Variants in DPP10 observed in about 807,000 individuals in gnomAD.
The protein encoded by DPP10 is dipeptidyl peptidase like 10.
Under a neutral mutation model 120.9 loss-of-function variants are expected in DPP10, and 33 were observed. The ratio of observed to expected loss-of-function variants is 0.27; its 90% CI spans 0.21 to 0.37. DPP10 has a LOEUF of 0.37. DPP10 is among the 10% of genes least tolerant of loss of function. The pLI, the probability that DPP10 is intolerant of heterozygous loss-of-function variation, is 1.00. For synonymous variants in DPP10, 337 were observed against 326.1 expected, an observed-to-expected ratio of 1.03 and a Z score of -0.36; for missense variants, 816 against 942.8, an observed-to-expected ratio of 0.87 and a Z score of 1.76.
chr2:115,039,213 T>C (rs1704454266), intron 1 of DPP10, among the ~76,000 whole-genome samples: 1 of 152,142 alleles, frequency 6.6e-6, no homozygotes, highest in Non-Finnish European at 1.5e-5. Flanking sequence ...AAATTGGAAA[T>C]GATGGACAGA....
chr2:114,829,553 T>C (rs1429815640), intron 1 of DPP10, among the ~76,000 whole-genome samples: 1 of 149,114 alleles, frequency 6.7e-6, no homozygotes, highest in Non-Finnish European at 1.5e-5. Context: ...TTTTTTGTAT[T>C]TTTGGTAGAG....
At chr2:115,746,396 T>C (rs190661526) in intron 10 of DPP10, among the ~76,000 whole-genome samples, 2 of 152,278 alleles carry the variant, frequency 1.3e-5, no homozygotes, top group Non-Finnish European at 2.9e-5. Context: ...CACCATACAA[T>C]GACTGAAGAG....
At chr2:115,138,983 G>A (rs2050784484) in intron 1 of DPP10, among the ~76,000 whole-genome samples, 1 of 152,102 alleles carries the variant, frequency 6.6e-6, no homozygotes, top group South Asian at 2.1e-4. Context: ...ATTGCATGTT[G>A]ATGGTAAAAG....
chr2:114,832,147 CTTT>C (rs1477525297), intron 1 of DPP10, among the ~76,000 whole-genome samples: 1 of 152,076 alleles, frequency 6.6e-6, no homozygotes, highest in African/African-American at 2.4e-5. Context: ...CTTGAAATAA[CTTT>C]TTATTTCAAA....
At chr2:115,123,568 C>G (rs545523551) in intron 1 of DPP10, among the ~76,000 whole-genome samples, 6 of 152,138 alleles carry the variant, frequency 3.9e-5, no homozygotes, top group Admixed American at 2.6e-4. Context: ...TATTTGAGCC[C>G]GGTCATCCAA....
At chr2:115,635,304 T>G (rs1210997567) in intron 5 of DPP10, among the ~76,000 whole-genome samples, 3 of 152,154 alleles carry the variant, frequency 2.0e-5, no homozygotes, top group African/African-American at 4.8e-5. Context: ...AACTCTGCGG[T>G]TCAGACCCAA....
At chr2:115,495,877 T>A (rs1310173352) in intron 3 of DPP10, among the ~76,000 whole-genome samples, 1 of 152,146 alleles carries the variant, frequency 6.6e-6, no homozygotes, top group African/African-American at 2.4e-5. Flanking sequence ...GATTATTTAA[T>A]CAAAGTACCT....
intron 5 of DPP10, among the ~76,000 whole-genome samples, chr2:115,648,252 G>C (rs1435281856): frequency 6.6e-6 from 1 of 152,030 alleles, no homozygotes; most frequent in Non-Finnish European, 1.5e-5. Context: ...GTAGTTACCA[G>C]GGTCTGTTTA....
At chr2:114,572,220 C>T (rs565643544) in intron 1 of DPP10, among the ~76,000 whole-genome samples, 1 of 151,962 alleles carries the variant, frequency 6.6e-6, no homozygotes, top group East Asian at 1.9e-4. Flanking sequence ...AAAGATAATA[C>T]AGTTGGAAGT....
intron 1 of DPP10, among the ~76,000 whole-genome samples, chr2:115,139,880 A>G (rs1196365829): frequency 6.6e-6 from 1 of 152,164 alleles, no homozygotes; most frequent in African/African-American, 2.4e-5. Context: ...TCTTTGCCCC[A>G]AACAGTCATA....
intron 7 of DPP10, among the ~76,000 whole-genome samples, 168 bp from the exon 8 acceptor site, chr2:115,727,645 GAAA>G (rs1017593333): frequency 6.6e-6 from 1 of 151,986 alleles, no homozygotes; most frequent in African/African-American, 2.4e-5. Flanking sequence ...CAATAAAACA[GAAA>G]AAGCCATTAA....
At chr2:114,923,440 C>G (rs1018382404) in intron 1 of DPP10, among the ~76,000 whole-genome samples, 6 of 145,868 alleles carry the variant, frequency 4.1e-5, no homozygotes, top group African/African-American at 1.5e-4. Context: ...GCTGGGATTA[C>G]AGGCGTGAGC....
chr2:115,314,643 C>T (rs1401276471), intron 2 of DPP10, among the ~76,000 whole-genome samples: 1 of 152,112 alleles, frequency 6.6e-6, no homozygotes, highest in Non-Finnish European at 1.5e-5. Flanking sequence ...CTAGAAGTGT[C>T]TCTAAGATTA....
At chr2:114,707,484 A>G (rs567923872) in intron 1 of DPP10, among the ~76,000 whole-genome samples, 79 of 152,352 alleles carry the variant, frequency 5.2e-4, no homozygotes, top group African/African-American at 1.8e-3. Flanking sequence ...TTAAAAGTAC[A>G]TATTTGGGGA....
chr2:115,619,529 G>A (rs2084790438), intron 5 of DPP10, among the ~76,000 whole-genome samples: 1 of 152,050 alleles, frequency 6.6e-6, no homozygotes, highest in Non-Finnish European at 1.5e-5. Flanking sequence ...TTTTTCTTGA[G>A]AGTCCCATTG....
At chr2:115,537,229 C>G (rs1369596915) in intron 5 of DPP10, among the ~76,000 whole-genome samples, 2 of 151,964 alleles carry the variant, frequency 1.3e-5, no homozygotes, top group Non-Finnish European at 2.9e-5. Context: ...ATGGACTCTT[C>G]TTTAGTTCAG....
At position 115,731,514 on chromosome 2, in the gene DPP10, G is replaced by A. The variant is rs147861939; in HGVS notation, c.697+3578G>A. On this transcript the variant is annotated intron_variant, in intron 8 of 25. Transcript: ENST00000410059. ...GCACTCCAGCCTGGGCAACAGAAGC[G>A]AGACCCTGTCTCAAAAGAAAAAATT... Among the ~76,000 whole-genome samples the A allele has an allele frequency of 5.2e-3, 798 of 152,196 alleles. 7 individuals are homozygous for A. The highest frequency in any genetic ancestry group is 0.016 in the African/African-American group (663 of 41,514).
At chr2:114,462,600 CT>C (rs1158563803) in intron 1 of DPP10, among the ~76,000 whole-genome samples, 1 of 152,284 alleles carries the variant, frequency 6.6e-6, no homozygotes, top group Admixed American at 6.5e-5. Context: ...AATTCATATC[CT>C]AACAAGGGTC....
chr2:115,535,688 G>A (rs1197764138), intron 5 of DPP10, among the ~76,000 whole-genome samples: 16 of 150,584 alleles, frequency 1.1e-4, no homozygotes, highest in Admixed American at 6.0e-4. Context: ...CATTGAATCT[G>A]TAAATTACCT....
Sources: gnomAD v4.1 joint callset for allele counts (sites outside exome capture counted in the v4.1 genomes callset) on GRCh38, gnomAD v4.1.1 for gene constraint, MANE v1.5 for transcripts, NCBI Gene and HGNC (gene_info 2026-07-23, HGNC 2026-07-21) for gene names.